MAN2A1: variants seen among roughly 807,000 people sequenced by gnomAD.
The protein encoded by MAN2A1 is alpha-mannosidase 2.
Under a neutral mutation model 142.6 loss-of-function variants are expected in MAN2A1, and 76 were observed. That is an observed-to-expected ratio of 0.53 (90% CI 0.44 to 0.65). The LOEUF is 0.65. Ranked by LOEUF, MAN2A1 falls within the 30% of genes least tolerant of loss-of-function variation. The probability of loss-of-function intolerance (pLI) is 0.00; values close to 1 mark genes in which losing one functional copy is unlikely to be tolerated. For synonymous variants in MAN2A1, 559 were observed against 473.2 expected, an observed-to-expected ratio of 1.18 and a Z score of -2.35; for missense variants, 1,311 against 1,365.1, an observed-to-expected ratio of 0.96 and a Z score of 0.62.
At position 109,770,481 on chromosome 5, in the gene MAN2A1, G is replaced by A; in HGVS notation, c.1136G>A (p.Arg379Lys). Residue 379 changes from arginine (R) to lysine (K), a missense_variant, in exon 7 of 22, where the codon AGA becomes AAA. This residue lies in a region of MAN2A1 where 890 missense variants were observed against 920.5 expected (regional missense o/e 0.97). Coordinates refer to ENST00000261483, the MANE Select transcript of MAN2A1 (RefSeq NM_002372.4). ...QFDFKRLPGG[R>K]FGCPWGVPPE... ...GATTTTAAACGTCTTCCTGGAGGCA[G>A]ATTTGGTTGTCCCTGGGGAGTCCCC... The A allele has an allele frequency of 6.2e-7, 1 of 1,613,996 alleles. No individual in the cohort carries two copies. Among genetic ancestry groups the A allele is most frequent in the Non-Finnish European group, 8.5e-7 (1 of 1,179,932 alleles).
chr5:109,756,584 C>T (rs1752695977), intron 5 of MAN2A1, among the ~76,000 whole-genome samples: 5 of 152,102 alleles, frequency 3.3e-5, no homozygotes, highest in Admixed American at 2.0e-4. Context: ...CCCAGATTTA[C>T]CAGTTGTTAA....
At chr5:109,841,298 C>T (rs1268043996) in intron 16 of MAN2A1, among the ~76,000 whole-genome samples, 4 of 152,148 alleles carry the variant, frequency 2.6e-5, no homozygotes, top group South Asian at 4.1e-4. Flanking sequence ...TCGCCCCCCT[C>T]CAACCCTTCC....
At chr5:109,722,805 CTAAGAG>C (rs1751642193) in intron 3 of MAN2A1, among the ~76,000 whole-genome samples, 1 of 152,142 alleles carries the variant, frequency 6.6e-6, no homozygotes, top group East Asian at 1.9e-4. Context: ...CTCGTGTACC[CTAAGAG>C]TAACCCACCA....
At chr5:109,865,009 G>A (rs34417962) in intron 20 of MAN2A1, 27 bp from the exon 21 acceptor site, 9 of 1,466,558 alleles carry the variant, frequency 6.1e-6, no homozygotes, top group Non-Finnish European at 8.6e-6. Flanking sequence ...TGTCTGCGCG[G>A]TGTGACTGCA....
Position 109,690,484 on chromosome 5 carries a change from T to A in MAN2A1, c.67T>A (p.Tyr23Asn), listed in dbSNP as rs1750633639. Residue 23 changes from tyrosine to asparagine, a missense_variant, in exon 1 of 22, where the codon TAC (tyrosine) becomes AAC (asparagine). Coordinates refer to ENST00000261483, the MANE Select transcript of MAN2A1 (RefSeq NM_002372.4). ...CTTCTGTGTGGTGATTTTCTCGCTC[T>A]ACCTGATGCTGGACCGGGGTCACTT... ...AIFCVVIFSLYLMLDRGHLDY... is the reference protein window; with the variant it reads ...AIFCVVIFSLNLMLDRGHLDY... The A allele has an allele frequency of 1.2e-6, 2 of 1,613,886 alleles. No individual in the cohort carries two copies. Among genetic ancestry groups the A allele is most frequent in the African/African-American group, 2.7e-5 (2 of 74,928 alleles).
chr5:109,737,637 A>C (rs1752143036), intron 4 of MAN2A1, among the ~76,000 whole-genome samples: 1 of 152,142 alleles, frequency 6.6e-6, no homozygotes, highest in African/African-American at 2.4e-5. Context: ...ATGTTATGCA[A>C]AATTGTGCAA....
chr5:109,773,283 G>T (rs1376198069), intron 7 of MAN2A1, among the ~76,000 whole-genome samples: 1 of 152,136 alleles, frequency 6.6e-6, no homozygotes, highest in African/African-American at 2.4e-5. Flanking sequence ...GATGTGAAGT[G>T]TTAAAGGCAT....
chr5:109,851,718 T>G (rs1360829323), intron 19 of MAN2A1, among the ~76,000 whole-genome samples: 1 of 152,194 alleles, frequency 6.6e-6, no homozygotes, highest in Non-Finnish European at 1.5e-5. Context: ...GATTTGTTTC[T>G]TTGACGGTTT....
chr5:109,814,632 C>T (rs921434832), intron 12 of MAN2A1, among the ~76,000 whole-genome samples: 2 of 152,098 alleles, frequency 1.3e-5, no homozygotes, highest in African/African-American at 4.8e-5. Flanking sequence ...CATAATCATT[C>T]AGTACAGTAG....
intron 5 of MAN2A1, 112 bp from the exon 6 acceptor site, chr5:109,767,423 G>T: frequency 1.3e-6 from 1 of 799,788 alleles, no homozygotes; most frequent in Admixed American, 2.7e-5. Flanking sequence ...GTAGATCCTT[G>T]GTCTGATATC....
chr5:109,720,556 A>C (rs1458452637), intron 3 of MAN2A1, among the ~76,000 whole-genome samples: 1 of 152,228 alleles, frequency 6.6e-6, no homozygotes, highest in East Asian at 1.9e-4. Context: ...AGTTCTGGTC[A>C]GTCATAGTTG....
intron 12 of MAN2A1, among the ~76,000 whole-genome samples, chr5:109,809,945 T>G (rs2015698): frequency 0.44 from 66,434 of 151,840 alleles, 15,469 homozygotes; most frequent in African/African-American, 0.6. Context: ...CATTTGTATG[T>G]TTTTTATTGA....
At chr5:109,695,946 A>C (rs1223162245) in intron 1 of MAN2A1, among the ~76,000 whole-genome samples, 1 of 152,166 alleles carries the variant, frequency 6.6e-6, no homozygotes, top group Non-Finnish European at 1.5e-5. Context: ...CTAGTGCTTT[A>C]GTGAGTATAG....
chr5:109,814,641 A>G (rs1754404281), intron 12 of MAN2A1, among the ~76,000 whole-genome samples: 2 of 152,220 alleles, frequency 1.3e-5, no homozygotes, highest in African/African-American at 2.4e-5. Flanking sequence ...TCAGTACAGT[A>G]GAAACATCGT....
intron 7 of MAN2A1, among the ~76,000 whole-genome samples, chr5:109,772,304 G>T (rs1753169073): frequency 6.6e-6 from 1 of 151,984 alleles, no homozygotes; most frequent in African/African-American, 2.4e-5. Flanking sequence ...GGGAGGCAGA[G>T]CTTGCAGTGA....
intron 20 of MAN2A1, among the ~76,000 whole-genome samples, chr5:109,855,775 A>G (rs529540320): frequency 6.6e-6 from 1 of 152,332 alleles, no homozygotes; most frequent in Admixed American, 6.5e-5. Context: ...TAGAAGAAAT[A>G]TTAGAGGAAA....
At chr5:109,722,776 T>C (rs1446398895) in intron 3 of MAN2A1, among the ~76,000 whole-genome samples, 2 of 152,196 alleles carry the variant, frequency 1.3e-5, no homozygotes, top group Non-Finnish European at 2.9e-5. Flanking sequence ...CCAGTATTTG[T>C]CTAAAGCTAA....
rs1214140917 is a variant in MAN2A1, at chr5:109,869,308, TC to T, written c.*2312del. 6.6e-6 allele frequency: 1 copy of T among 152,206 alleles called. No individual in the cohort carries two copies. The highest frequency in any genetic ancestry group is 2.4e-5 in the African/African-American group (1 of 41,426). 9.4% of individuals were successfully genotyped at this position (152,206 alleles called of 1,614,324 possible). A position where few individuals can be genotyped will look rare whatever the true frequency, so the allele number is the denominator to read the frequency against. The stretch of plus-strand genomic sequence containing the variant: ...TGACCAAGTAGTTCAGTGTTTTCTT[TC>T]CTTTTTTTGGAAATTTTAGTTTGAG... On this transcript the variant is annotated 3_prime_UTR_variant, in exon 22 of 22. Transcript: ENST00000261483.
intron 4 of MAN2A1, among the ~76,000 whole-genome samples, chr5:109,731,852 T>C (rs1349602214): frequency 8.1e-5 from 12 of 148,696 alleles, no homozygotes; most frequent in Non-Finnish European, 1.8e-4. Context: ...AGCAGCATGA[T>C]TTATAGTCCT....
Sources: allele counts gnomAD v4.1 joint callset (sites outside exome capture counted in the v4.1 genomes callset), GRCh38; gene constraint gnomAD v4.1.1; regional missense constraint gnomAD v4.1.1; transcripts MANE v1.5; gene names NCBI Gene and HGNC (gene_info 2026-07-23, HGNC 2026-07-21).